PCNX1: variants seen among roughly 807,000 people sequenced by gnomAD.
PCNX1 encodes the protein pecanex-like protein 1.
Under a neutral mutation model 242.2 loss-of-function variants are expected in PCNX1, and 78 were observed. The observed-to-expected ratio is 0.32, with a 90% CI of 0.27 to 0.39. The LOEUF is 0.39. Ranked by LOEUF, PCNX1 falls within the 10% of genes least tolerant of loss-of-function variation. PCNX1 has a pLI of 1.00. For missense variants in PCNX1, 2,581 were observed against 2,856.5 expected (o/e 0.90, Z 2.20); for synonymous variants, 1,024 against 1,032.9 (o/e 0.99, Z 0.17).
chr14:71,079,652 A>G (rs533348768), intron 28 of PCNX1, among the ~76,000 whole-genome samples: 9 of 152,016 alleles, frequency 5.9e-5, no homozygotes, highest in African/African-American at 2.2e-4. Context: ...TTTTTTTCAT[A>G]TGTTTGTTAG....
chr14:70,948,735 A>G (rs764094541), intron 2 of PCNX1, among the ~76,000 whole-genome samples: 2 of 145,512 alleles, frequency 1.4e-5, no homozygotes, highest in African/African-American at 2.5e-5. Context: ...ATACATATAT[A>G]TGTGTATATG....
At chr14:71,050,027 C>T (rs2060977567) in intron 22 of PCNX1, among the ~76,000 whole-genome samples, 1 of 152,204 alleles carries the variant, frequency 6.6e-6, no homozygotes, top group African/African-American at 2.4e-5. Context: ...AACTGTATTA[C>T]AAATGCTGTT....
At chr14:70,918,924 A>G (rs2056259126) in intron 1 of PCNX1, among the ~76,000 whole-genome samples, 1 of 148,800 alleles carries the variant, frequency 6.7e-6, no homozygotes, top group South Asian at 2.1e-4. Context: ...TTCATCGCCC[A>G]GGCTGGAGTA....
intron 30 of PCNX1, among the ~76,000 whole-genome samples, chr14:71,094,916 C>A (rs2062233347): frequency 6.6e-6 from 1 of 152,074 alleles, no homozygotes; most frequent in African/African-American, 2.4e-5. Flanking sequence ...GAGCGACAGA[C>A]CAAGACCTTG....
intron 1 of PCNX1, among the ~76,000 whole-genome samples, chr14:70,911,931 C>T (rs960003938): frequency 6.6e-6 from 1 of 152,052 alleles, no homozygotes; most frequent in Admixed American, 6.6e-5. Context: ...AGCAATATAT[C>T]CCTAGGTGAT....
rs775667738 is a variant in PCNX1 at position 71,109,804 on chromosome 14, C to T, written c.6895C>T (p.Arg2299Ter). ...TATTCTGAATCATTAGGTGATTCAC[C>T]GATGGGTGCCTTGCAGCAGAGATCC... ...QEGMEGHVIHRWVPCSRDPGT... is the reference protein window; with the variant it reads ...QEGMEGHVIH The change falls in exon 36 of 36, where the codon CGA becomes TGA. Residue 2299 changes from arginine to a stop codon, truncating the protein, a stop_gained. Transcript: ENST00000304743. LOFTEE classifies it high-confidence loss of function. The T allele has an allele frequency of 1.2e-5, 19 of 1,613,466 alleles. No homozygotes were observed. Among genetic ancestry groups the T allele is most frequent in the Admixed American group, 5.0e-5 (3 of 59,986 alleles).
chr14:71,073,162 G>T (rs553369900), intron 26 of PCNX1, among the ~76,000 whole-genome samples: 17 of 152,152 alleles, frequency 1.1e-4, no homozygotes, highest in Non-Finnish European at 2.5e-4. Context: ...GCCTGGTGGC[G>T]CATGCCTGTA....
intron 26 of PCNX1, among the ~76,000 whole-genome samples, chr14:71,069,114 G>A (rs374945747): frequency 3.5e-3 from 529 of 152,210 alleles, no homozygotes; most frequent in African/African-American, 0.012. Context: ...CCAAGCAAAA[G>A]GGGAAACACC....
At chr14:71,008,570 G>T (rs2059731527) in intron 8 of PCNX1, among the ~76,000 whole-genome samples, 1 of 149,816 alleles carries the variant, frequency 6.7e-6, no homozygotes. Context: ...GCAGGAGAAT[G>T]GTGTGAACCC....
chr14:71,090,160 G>A (rs2062092497), intron 30 of PCNX1, among the ~76,000 whole-genome samples: 1 of 152,136 alleles, frequency 6.6e-6, no homozygotes, highest in Non-Finnish European at 1.5e-5. Context: ...AGAATAATAG[G>A]TGGTTAGGAC....
intron 22 of PCNX1, among the ~76,000 whole-genome samples, chr14:71,049,356 A>G (rs1379285400): frequency 2.0e-5 from 3 of 152,170 alleles, no homozygotes; most frequent in Non-Finnish European, 2.9e-5. Flanking sequence ...TAACAATGAT[A>G]ATCAGTAATA....
At chr14:71,074,990 C>CTCTT (rs1159668298) in intron 27 of PCNX1, among the ~76,000 whole-genome samples, 12 of 101,096 alleles carry the variant, frequency 1.2e-4, no homozygotes, top group African/African-American at 4.6e-4. Context: ...CTTTTCTTCT[C>CTCTT]TTTTTTTTTT....
chr14:70,968,902 A>G, intron 4 of PCNX1, 119 bp from the exon 5 acceptor site: 1 of 638,348 alleles, frequency 1.6e-6, no homozygotes. Flanking sequence ...TTTGATACAC[A>G]AAAACTACTT....
intron 1 of PCNX1, among the ~76,000 whole-genome samples, chr14:70,919,579 T>A (rs2056287687): frequency 6.6e-6 from 1 of 151,944 alleles, no homozygotes; most frequent in Admixed American, 6.6e-5. Context: ...CAACAAACGT[T>A]CTATAGAGTT....
chr14:70,994,577 AAT>A (rs1180561862), intron 7 of PCNX1, among the ~76,000 whole-genome samples: 2 of 151,518 alleles, frequency 1.3e-5, no homozygotes, highest in Non-Finnish European at 2.9e-5. Flanking sequence ...AAAGTAACTG[AAT>A]AAGGCCATTC....
intron 5 of PCNX1, among the ~76,000 whole-genome samples, chr14:70,969,460 A>C (rs2047244786): frequency 6.6e-6 from 1 of 152,202 alleles, no homozygotes; most frequent in South Asian, 2.1e-4. Flanking sequence ...GTTACTTTCC[A>C]TTCAGTACGA....
chr14:70,922,210 G>C (rs776396750), intron 1 of PCNX1, among the ~76,000 whole-genome samples: 2 of 151,966 alleles, frequency 1.3e-5, no homozygotes, highest in African/African-American at 2.4e-5. Context: ...TCACCCTTAA[G>C]TTAAAAATCC....
chr14:71,047,648 C>A (rs1449202656), intron 21 of PCNX1, among the ~76,000 whole-genome samples, 159 bp from the exon 22 acceptor site: 1 of 152,098 alleles, frequency 6.6e-6, no homozygotes, highest in African/African-American at 2.4e-5. Context: ...CAGATACTTT[C>A]AGGATGTGAT....
chr14:70,995,919 G>C lies in PCNX1; in HGVS notation c.2623G>C (p.Glu875Gln). ...TGTAGGCGGTAGCAGTTTGCACGAT[G>C]AACTTGGTATGCAGGCCTTATGTAA... ...SAVGGSSLHD[E>Q]LGKFSSTLYE... Residue 875 changes from glutamate to glutamine, a missense_variant, in exon 8 of 36, where the codon GAA becomes CAA. Transcript: ENST00000304743. 1 of 1,612,992 alleles carries C rather than the reference G, an allele frequency of 6.2e-7. No individual in the cohort carries two copies. Among genetic ancestry groups the C allele is most frequent in the Non-Finnish European group, 8.5e-7 (1 of 1,178,950 alleles).
Sources: allele counts gnomAD v4.1 joint callset (sites outside exome capture counted in the v4.1 genomes callset), GRCh38; gene constraint gnomAD v4.1.1; transcripts MANE v1.5; gene names NCBI Gene and HGNC (gene_info 2026-07-23, HGNC 2026-07-21).